Variants in ALKBH8 observed in about 807,000 individuals in gnomAD.
ALKBH8 encodes alkB homolog 8, tRNA methyltransferase, also known as tRNA (carboxymethyluridine(34)-5-O)-methyltransferase ALKBH8.
Under a neutral mutation model 59.8 loss-of-function variants are expected in ALKBH8, and 36 were observed. That is an observed-to-expected ratio of 0.60 (90% CI 0.46 to 0.79). The LOEUF is 0.79. Ranked by LOEUF, ALKBH8 falls within the 30% of genes least tolerant of loss-of-function variation. ALKBH8 has a pLI of 0.00. For missense variants in ALKBH8, 768 were observed against 801.0 expected, an observed-to-expected ratio of 0.96 and a Z score of 0.50; for synonymous variants, 276 against 273.6, an observed-to-expected ratio of 1.01 and a Z score of -0.09.
intron 9 of ALKBH8, among the ~76,000 whole-genome samples, chr11:107,523,060 A>G (rs2135502658): frequency 6.6e-6 from 1 of 152,208 alleles, no homozygotes; most frequent in Non-Finnish European, 1.5e-5. Context: ...CAAAAAAAAA[A>G]AAAAAATTAA....
intron 7 of ALKBH8, among the ~76,000 whole-genome samples, chr11:107,547,869 T>C (rs541536423): frequency 2.0e-5 from 3 of 152,128 alleles, no homozygotes; most frequent in Admixed American, 2.0e-4. Flanking sequence ...AGACACCAAA[T>C]AGAGATAATG....
intron 5 of ALKBH8, among the ~76,000 whole-genome samples, chr11:107,552,385 AT>A (rs1202007222): frequency 6.6e-6 from 1 of 152,174 alleles, no homozygotes; most frequent in Non-Finnish European, 1.5e-5. Flanking sequence ...CATTAAAAAA[AT>A]AGATAAATTT....
chr11:107,510,168 T>C (rs12577299), intron 11 of ALKBH8, among the ~76,000 whole-genome samples: 30,695 of 152,008 alleles, frequency 0.2, 3,885 homozygotes, highest in South Asian at 0.38. Context: ...TTTTGATTTG[T>C]TTTGAACTCA....
At chr11:107,557,058 C>A in intron 2 of ALKBH8, 55 bp from the exon 3 acceptor site, 6 of 1,202,246 alleles carry the variant, frequency 5.0e-6, no homozygotes, top group Non-Finnish European at 6.7e-6. Context: ...CTGATACCAA[C>A]CCATTTGTTT....
chr11:107,521,250 A>G (rs926326573), intron 10 of ALKBH8, among the ~76,000 whole-genome samples: 1 of 152,176 alleles, frequency 6.6e-6, no homozygotes, highest in South Asian at 2.1e-4. Context: ...CCCACAAAGA[A>G]CAGCCACTGT....
rs1012892298 is a variant in ALKBH8 at position 107,535,061 on chromosome 11, C to T, written c.772-2655G>A. 3.3e-5 allele frequency among the ~76,000 whole-genome samples: 5 copies of T among 152,258 alleles called. No individual in the cohort carries two copies. The East Asian group carries it at 9.6e-4, about 29-fold the overall frequency. On this transcript the variant is annotated intron_variant, in intron 7 of 11. Coordinates refer to ENST00000428149, the MANE Select transcript of ALKBH8 (RefSeq NM_138775.3). ...TAGAATAATAGTCTCCAGTTCCATC[C>T]AGGTTGCTGCGAATGTCATTATTTT...
chr11:107,537,423 A>T (rs1863864945), intron 7 of ALKBH8, among the ~76,000 whole-genome samples: 1 of 152,196 alleles, frequency 6.6e-6, no homozygotes, highest in African/African-American at 2.4e-5. Context: ...ATGGAGTTGG[A>T]AGCCACTATC....
chr11:107,525,333 G>A, intron 9 of ALKBH8, 108 bp downstream of exon 9: 1 of 993,956 alleles, frequency 1.0e-6, no homozygotes, highest in Non-Finnish European at 1.4e-6. Flanking sequence ...TACAGGAAAT[G>A]CCATTAGAGA....
intron 11 of ALKBH8, among the ~76,000 whole-genome samples, chr11:107,505,872 G>A (rs563265700): frequency 1.3e-5 from 2 of 152,262 alleles, no homozygotes; most frequent in East Asian, 3.9e-4. Context: ...AACAGATAGG[G>A]CTCAGAGTAC....
intron 10 of ALKBH8, among the ~76,000 whole-genome samples, chr11:107,520,930 C>G (rs1337569173): frequency 6.6e-6 from 1 of 152,012 alleles, no homozygotes; most frequent in East Asian, 1.9e-4. Context: ...TATGTATAGA[C>G]TTTTTTCTTG....
At position 107,551,694 on chromosome 11, in the gene ALKBH8, CAA is replaced by C. The variant is rs1204968155; in HGVS notation, c.700+112_700+113del. 1,455 of 241,144 alleles carry C rather than the reference CAA, an allele frequency of 6.0e-3. 25 individuals carry two copies. Among genetic ancestry groups the C allele is most frequent in the African/African-American group, 0.038 (1,322 of 34,710 alleles). The allele number at this position is 241,144 out of a possible 1,614,324, so 14.9% of individuals were successfully genotyped here. On this transcript the variant is annotated intron_variant, in intron 6 of 11. Coordinates refer to ENST00000428149, the MANE Select transcript of ALKBH8 (RefSeq NM_138775.3). ...GGGCAACAAGAGCGAAACTCCATCT[CAA>C]AAAAAAAAAAATAATAATAATAATA...
chr11:107,509,788 C>T (rs4754227), intron 11 of ALKBH8, among the ~76,000 whole-genome samples: 9,314 of 152,100 alleles, frequency 0.061, 541 homozygotes, highest in East Asian at 0.22. Context: ...ATTTCTAAGA[C>T]GATCATATAG....
chr11:107,555,343 A>G (rs1320035464), intron 3 of ALKBH8, among the ~76,000 whole-genome samples: 2 of 152,252 alleles, frequency 1.3e-5, no homozygotes, highest in Admixed American at 1.3e-4. Flanking sequence ...TGATTGCCAG[A>G]GCCTTAAAAG....
chr11:107,535,474 T>C (rs908309774), intron 7 of ALKBH8, among the ~76,000 whole-genome samples: 14 of 152,220 alleles, frequency 9.2e-5, no homozygotes, highest in Admixed American at 2.6e-4. Flanking sequence ...TGGCATTGCA[T>C]TGTGGTTTTG....
intron 8 of ALKBH8, among the ~76,000 whole-genome samples, chr11:107,528,763 A>G (rs1420886836): frequency 6.6e-6 from 1 of 152,204 alleles, no homozygotes; most frequent in East Asian, 1.9e-4. Flanking sequence ...ACTGCTAAAC[A>G]TCTTTTTCCC....
At chr11:107,553,739 C>T (rs1864589169) in intron 4 of ALKBH8, 108 bp downstream of exon 4, 13 of 1,213,108 alleles carry the variant, frequency 1.1e-5, no homozygotes, top group Non-Finnish European at 1.4e-5. Context: ...TGGATCCGGG[C>T]TAGTTTCAGT....
At chr11:107,510,376 A>G (rs921216544) in intron 11 of ALKBH8, among the ~76,000 whole-genome samples, 3 of 152,160 alleles carry the variant, frequency 2.0e-5, no homozygotes, top group African/African-American at 2.4e-5. Context: ...ACATACTACT[A>G]CCAGCTAAAA....
chr11:107,549,923 CT>C (rs1354870141), intron 6 of ALKBH8, 100 bp from the exon 7 acceptor site: 1 of 801,944 alleles, frequency 1.2e-6, no homozygotes, highest in Admixed American at 2.6e-5. Context: ...GAAAACATTG[CT>C]TGGTAATCAG....
At chr11:107,553,247 T>G (rs941694248) in intron 4 of ALKBH8, 44 bp from the exon 5 acceptor site, 1 of 1,297,130 alleles carries the variant, frequency 7.7e-7, no homozygotes, top group Non-Finnish European at 1.1e-6. Flanking sequence ...GGAAAAGAAT[T>G]ACATTCCTTT....
Sources: gnomAD v4.1 joint callset for allele counts (sites outside exome capture counted in the v4.1 genomes callset) on GRCh38, gnomAD v4.1.1 for gene constraint, MANE v1.5 for transcripts, NCBI Gene and HGNC (gene_info 2026-07-23, HGNC 2026-07-21) for gene names.